NUMB: variants seen among roughly 807,000 people sequenced by gnomAD.
The protein encoded by NUMB is protein numb homolog.
NUMB carries 29 observed loss-of-function variants against 59.7 expected under a neutral mutation model. The observed-to-expected ratio is 0.49, with a 90% CI of 0.36 to 0.66. NUMB has a LOEUF of 0.66. Among genes scored for constraint, NUMB ranks in the 30% least tolerant of loss-of-function variants. NUMB has a pLI of 0.00. For synonymous variants in NUMB, 288 were observed against 288.2 expected, an observed-to-expected ratio of 1.00 and a Z score of 0.01; for missense variants, 723 against 822.0, an observed-to-expected ratio of 0.88 and a Z score of 1.47.
chr14:73,285,136 C>G (rs1350886394), intron 9 of NUMB: 5 of 152,194 alleles, frequency 3.3e-5, no homozygotes, highest in Non-Finnish European at 5.9e-5. Flanking sequence ...GTATGAGCCA[C>G]CACGCCCGAC....
chr14:73,441,526 A>T (rs1435035584), intron 1 of NUMB, among the ~76,000 whole-genome samples: 1 of 151,878 alleles, frequency 6.6e-6, no homozygotes, highest in Admixed American at 6.6e-5. Context: ...ACAGAGCAAG[A>T]CTCCATCTCA....
intron 12 of NUMB, among the ~76,000 whole-genome samples, chr14:73,278,688 G>A (rs1196253763): frequency 1.3e-5 from 2 of 150,416 alleles, no homozygotes; most frequent in Non-Finnish European, 3.0e-5. Context: ...CACCAAATCC[G>A]GTGATGGATT....
Position 73,275,784 on chromosome 14 carries a change from A to ATGAC in NUMB, c.*790_*793dup, listed in dbSNP as rs1369479553. The ATGAC allele has an allele frequency of 2.0e-5, 3 of 152,598 alleles. No homozygotes were observed. The highest frequency in any genetic ancestry group is 7.2e-5 in the African/African-American group (3 of 41,438). 9.5% of individuals were successfully genotyped at this position (152,598 alleles called of 1,614,324 possible). A position where few individuals can be genotyped will look rare whatever the true frequency, so the allele number is the denominator to read the frequency against. ...TGTTGCAATGTGCTACTTACAATGA[A>ATGAC]TGACTGACAGAAAACAAGCTAGGGA... On this transcript the variant is annotated 3_prime_UTR_variant, in exon 13 of 13. Coordinates refer to ENST00000555238, the MANE Select transcript of NUMB (RefSeq NM_001005743.2).
At chr14:73,324,006 G>A (rs1279979994) in intron 4 of NUMB, among the ~76,000 whole-genome samples, 2 of 152,162 alleles carry the variant, frequency 1.3e-5, no homozygotes, top group Non-Finnish European at 2.9e-5. Context: ...AAGAGCAGGA[G>A]GGGCTTTCTC....
At chr14:73,322,762 C>G (rs1007114223) in intron 5 of NUMB, 1 of 152,612 alleles carries the variant, frequency 6.6e-6, no homozygotes, top group Non-Finnish European at 1.5e-5. Context: ...AATATCTGGC[C>G]TAAATTTAAA....
At chr14:73,308,371 G>A (rs140337849) in intron 6 of NUMB, among the ~76,000 whole-genome samples, 18 of 152,248 alleles carry the variant, frequency 1.2e-4, no homozygotes, top group African/African-American at 4.3e-4. Context: ...TTCTCTCCTT[G>A]GGGGAATTTG....
chr14:73,422,578 T>C lies in NUMB; in HGVS notation c.-232-12510A>G, dbSNP rs145011974. On this transcript the variant is annotated intron_variant, in intron 1 of 12. Coordinates refer to ENST00000555238, the MANE Select transcript of NUMB (RefSeq NM_001005743.2). ...CATGGTTCTGCAGGATATACAAGCA[T>C]GGCACCAACATTTGCTTGGCTTCTA... 3.0e-4 allele frequency among the ~76,000 whole-genome samples: 45 copies of C among 152,190 alleles called. No individual in the cohort carries two copies. The East Asian group carries it at 7.7e-3, about 26-fold the overall frequency.
At chr14:73,328,288 A>AAAAC (rs1555371645) in intron 4 of NUMB, among the ~76,000 whole-genome samples, 6 of 151,044 alleles carry the variant, frequency 4.0e-5, no homozygotes, top group South Asian at 4.2e-4. Context: ...AAAAAAAAAA[A>AAAAC]GTCATATAAA....
At chr14:73,372,191 C>A (rs1894705029) in intron 2 of NUMB, among the ~76,000 whole-genome samples, 1 of 150,812 alleles carries the variant, frequency 6.6e-6, no homozygotes, top group African/African-American at 2.4e-5. Context: ...CAAGATCATG[C>A]CACTGCACTC....
intron 4 of NUMB, among the ~76,000 whole-genome samples, chr14:73,330,711 T>A (rs1891927245): frequency 1.3e-5 from 2 of 148,520 alleles, no homozygotes; most frequent in African/African-American, 5.0e-5. Flanking sequence ...TTTAGTATAG[T>A]ATCCCACGTG....
At position 73,417,551 on chromosome 14, in the gene NUMB, C is replaced by CA. The variant is rs879724639; in HGVS notation, c.-232-7484dup. Among the ~76,000 whole-genome samples, 355 of 111,060 alleles carry CA rather than the reference C, an allele frequency of 3.2e-3. 3 individuals carry two copies. Among genetic ancestry groups the CA allele is most frequent in the African/African-American group, 8.5e-3 (242 of 28,474 alleles). 72.9% of individuals were successfully genotyped at this position (111,060 alleles called of 152,430 possible). A position where few individuals can be genotyped will look rare whatever the true frequency, so the allele number is the denominator to read the frequency against. ...TGGGTGACAAAGTGAGACCCTCTCT[C>CA]AAAAAAAAAAAAAGGTATGTATTGA... On this transcript the variant is annotated intron_variant, in intron 1 of 12. Coordinates refer to ENST00000555238, the MANE Select transcript of NUMB (RefSeq NM_001005743.2).
At chr14:73,392,934 T>C (rs1419957115) in intron 2 of NUMB, among the ~76,000 whole-genome samples, 1 of 151,908 alleles carries the variant, frequency 6.6e-6, no homozygotes, top group Non-Finnish European at 1.5e-5. Context: ...AGTCCCAAAG[T>C]TGTAGGCAAA....
chr14:73,293,179 C>A (rs755456954), intron 7 of NUMB, among the ~76,000 whole-genome samples: 14 of 151,994 alleles, frequency 9.2e-5, no homozygotes, highest in Non-Finnish European at 2.1e-4. Context: ...TATCTTTAAT[C>A]CTTTGGATAA....
At chr14:73,375,000 G>A (rs1894881817) in intron 2 of NUMB, among the ~76,000 whole-genome samples, 4 of 152,098 alleles carry the variant, frequency 2.6e-5, no homozygotes, top group South Asian at 2.1e-4. Context: ...GAGCCACTGC[G>A]CCTGGCCTAG....
chr14:73,346,429 G>A (rs1350708746), intron 4 of NUMB, among the ~76,000 whole-genome samples: 5 of 150,114 alleles, frequency 3.3e-5, no homozygotes. Flanking sequence ...GCGGTGAACC[G>A]AGACTGCACT....
chr14:73,328,240 A>T (rs1891767958), intron 4 of NUMB, among the ~76,000 whole-genome samples: 1 of 149,102 alleles, frequency 6.7e-6, no homozygotes, highest in Non-Finnish European at 1.5e-5. Context: ...GCATCAGTGC[A>T]CTCCAGCCTG....
chr14:73,437,094 G>A (rs1316105785), intron 1 of NUMB, among the ~76,000 whole-genome samples: 1 of 129,966 alleles, frequency 7.7e-6, no homozygotes, highest in African/African-American at 3.0e-5. Flanking sequence ...TGCCCAGGCT[G>A]GAGTGCAGTG....
intron 1 of NUMB, among the ~76,000 whole-genome samples, chr14:73,435,198 T>G (rs1195336039): frequency 6.6e-6 from 1 of 151,826 alleles, no homozygotes; most frequent in Non-Finnish European, 1.5e-5. Flanking sequence ...CAACTGAACT[T>G]ATAAACTGCT....
chr14:73,391,409 A>G (rs1452097067), intron 2 of NUMB, among the ~76,000 whole-genome samples: 1 of 152,012 alleles, frequency 6.6e-6, no homozygotes, highest in Non-Finnish European at 1.5e-5. Flanking sequence ...AATATCTAAA[A>G]GAAAAAAGAA....
Sources: gnomAD v4.1 joint callset for allele counts (sites outside exome capture counted in the v4.1 genomes callset) on GRCh38, gnomAD v4.1.1 for gene constraint, MANE v1.5 for transcripts, NCBI Gene and HGNC (gene_info 2026-07-23, HGNC 2026-07-21) for gene names.